The following BBOF1 variants were observed in gnomAD, a reference collection of about 807,000 sequenced individuals.
The protein encoded by BBOF1 is basal body orientation factor 1, also known as basal body-orientation factor 1.
Under a neutral mutation model 68.0 loss-of-function variants are expected in BBOF1, and 62 were observed. The ratio of observed to expected loss-of-function variants is 0.91; its 90% CI spans 0.74 to 1.13. The LOEUF (loss-of-function observed/expected upper bound fraction) is 1.13, where lower values mean the gene tolerates loss of function less well. Ranked by LOEUF, BBOF1 falls within the 50% of genes most tolerant of loss-of-function variation. The pLI, the probability that BBOF1 is intolerant of heterozygous loss-of-function variation, is 0.00. For missense variants in BBOF1, 534 were observed against 600.1 expected, an observed-to-expected ratio of 0.89 and a Z score of 1.15; for synonymous variants, 208 against 198.8, an observed-to-expected ratio of 1.05 and a Z score of -0.39.
chr14:74,030,870 G>T (rs1164871789), intron 3 of BBOF1, among the ~76,000 whole-genome samples: 4 of 149,878 alleles, frequency 2.7e-5, no homozygotes, highest in African/African-American at 9.8e-5. Context: ...AAAAAAAAAG[G>T]TTGCTTAAAA....
intron 4 of BBOF1, among the ~76,000 whole-genome samples, chr14:74,034,447 G>A (rs1209868424): frequency 2.0e-5 from 3 of 152,138 alleles, no homozygotes; most frequent in African/African-American, 7.2e-5. Flanking sequence ...ATTGACTTCA[G>A]TAAGAAACAA....
rs2060315291 is a variant in BBOF1 at position 74,060,495 on chromosome 14, T to G, written c.1578+3237T>G. On this transcript the variant is annotated intron_variant, in intron 11 of 11. Coordinates refer to ENST00000394009, the MANE Select transcript of BBOF1 (RefSeq NM_025057.3). ...ACACTAGGCAGTTCCCTATAGAAAC[T>G]TTGCGGGGGTTAATAGTCCTGAGGA... 5.6e-6 allele frequency: 4 copies of G among 708,274 alleles called. No homozygotes were observed. The African/African-American group carries it at 7.0e-5, about 12-fold the overall frequency. The allele number at this position is 708,274 out of a possible 1,614,324, so 43.9% of individuals were successfully genotyped here.
intron 11 of BBOF1, chr14:74,060,208 C>T (rs777419828): frequency 4.4e-5 from 7 of 159,762 alleles, no homozygotes; most frequent in South Asian, 1.8e-4. Context: ...TACGGGGTTT[C>T]GCCACGTTCT....
intron 2 of BBOF1, among the ~76,000 whole-genome samples, chr14:74,026,476 GAATATGTTATTGTGCCAGAA>G (rs2140960797): frequency 6.7e-6 from 1 of 149,298 alleles, no homozygotes; most frequent in South Asian, 2.1e-4. Context: ...AAAGAGTCTG[GAATATGTTATTGTGCCAGAA>G]AATAAAAAAT....
At chr14:74,060,570 G>T in intron 11 of BBOF1, 1 of 1,109,456 alleles carries the variant, frequency 9.0e-7, no homozygotes. Context: ...TCTGAGCAAA[G>T]CTGACAAATG....
chr14:74,073,508 C>A (rs1319702500), intron 9 of BBOF1, among the ~76,000 whole-genome samples: 1 of 152,042 alleles, frequency 6.6e-6, no homozygotes, highest in African/African-American at 2.4e-5. Context: ...AGTAGAAACA[C>A]GATATTATGA....
chr14:74,034,168 T>C lies in BBOF1; in HGVS notation c.492T>C (p.Asp164=), dbSNP rs765900346. 6.5e-7 allele frequency: 1 copy of C among 1,544,144 alleles called. No homozygotes were observed. The highest frequency in any genetic ancestry group is 2.1e-5 in the Admixed American group (1 of 47,296). ...AAATCCAAGTGGAGAGAGAGTTAGA[T>C]GATGTAAGTTTCATTCCTTTTTTAC... is the stretch of plus-strand genomic sequence containing the variant. ...KRKIQVEREL[D]DLKENLRNTE... is the part of the protein sequence containing the mutation. Residue 164 remains aspartate (D), a synonymous_variant, in exon 4 of 12, where the codon GAT becomes GAC. Coordinates refer to ENST00000394009, the MANE Select transcript of BBOF1 (RefSeq NM_025057.3).
chr14:74,027,244 G>T (rs543096812), intron 2 of BBOF1, among the ~76,000 whole-genome samples: 64 of 151,546 alleles, frequency 4.2e-4, no homozygotes, highest in Non-Finnish European at 8.7e-4. Context: ...CCACCACCCC[G>T]CCTGGCTAAT....
chr14:74,043,556 CAAAAAAAAAAAA>C (rs1162364604), intron 5 of BBOF1, among the ~76,000 whole-genome samples: 3 of 26,824 alleles, frequency 1.1e-4, no homozygotes, highest in Non-Finnish European at 1.4e-4. Flanking sequence ...GACTCCGTCT[CAAAAAAAAAAAA>C]AAAAAAAAAA....
chr14:74,065,310 A>C lies in BBOF1; in HGVS notation c.*611A>C, dbSNP rs769667558. ...CTTCATCCAATGTTTCTGTCTCCAGAACCACAAGAACTGGACCAAAAATCT... is the reference window on the plus strand; with the variant it reads ...CTTCATCCAATGTTTCTGTCTCCAGCACCACAAGAACTGGACCAAAAATCT... On this transcript the variant is annotated 3_prime_UTR_variant, in exon 12 of 12. Transcript: ENST00000394009. 1.9e-6 allele frequency: 3 copies of C among 1,614,144 alleles called. No homozygotes were observed. The South Asian group carries it at 3.3e-5, about 18-fold the overall frequency.
chr14:74,072,710 A>C, intron 9 of BBOF1: 1 of 1,336,236 alleles, frequency 7.5e-7, no homozygotes, highest in Non-Finnish European at 1.0e-6. Flanking sequence ...AAAGGAAAGA[A>C]AACAAGTTGA....
chr14:74,061,178 A>G (rs1376024714), intron 11 of BBOF1, among the ~76,000 whole-genome samples: 2 of 151,974 alleles, frequency 1.3e-5, no homozygotes, highest in Non-Finnish European at 2.9e-5. Flanking sequence ...GGGTTTCACC[A>G]TGTTGGCCAG....
downstream of BBOF1, chr14:74,066,979 G>T: frequency 8.0e-7 from 1 of 1,246,082 alleles, no homozygotes; most frequent in Non-Finnish European, 1.2e-6. Context: ...GCTTTAGGAG[G>T]CCAAGGCAGG....
intron 9 of BBOF1, among the ~76,000 whole-genome samples, chr14:74,077,413 T>C (rs980783451): frequency 1.3e-5 from 2 of 152,094 alleles, no homozygotes; most frequent in African/African-American, 2.4e-5. Flanking sequence ...TAAGGAAAAG[T>C]AGTTTATTTA....
At chr14:74,029,042 T>G in intron 2 of BBOF1, 142 bp from the exon 3 acceptor site, 2 of 556,102 alleles carry the variant, frequency 3.6e-6, no homozygotes. Context: ...TATGGGAAAT[T>G]TCCTGTCCCC....
At chr14:74,041,369 T>C (rs139316496) in intron 5 of BBOF1, among the ~76,000 whole-genome samples, 1 of 152,346 alleles carries the variant, frequency 6.6e-6, no homozygotes, top group East Asian at 1.9e-4. Context: ...GTTTCTGAAG[T>C]TAACTCTCCA....
chr14:74,022,178 G>A (rs978046554), intron 1 of BBOF1, among the ~76,000 whole-genome samples: 6 of 151,856 alleles, frequency 4.0e-5, no homozygotes, highest in African/African-American at 1.5e-4. Context: ...TTGGAGACCA[G>A]CATAGGCAAC....
At chr14:74,031,280 T>G (rs557360335) in intron 3 of BBOF1, among the ~76,000 whole-genome samples, 1 of 151,782 alleles carries the variant, frequency 6.6e-6, no homozygotes, top group Non-Finnish European at 1.5e-5. Flanking sequence ...ACCTGGCAAA[T>G]TTTTGTATTT....
chr14:74,023,074 G>T lies in BBOF1; in HGVS notation c.215G>T (p.Cys72Phe), dbSNP rs902342477. ...AATGAGGACTTAAAGAAAAAGCAAT[G>T]TAAAATGGAGAAAGACATAATGTCA... ...KSNEDLKKKQ[C>F]KMEKDIMSVL... Residue 72 changes from cysteine (C) to phenylalanine (F), a missense_variant, in exon 2 of 12, where the codon TGT (cysteine) becomes TTT (phenylalanine). Transcript: ENST00000394009. 4.4e-6 allele frequency: 7 copies of T among 1,605,150 alleles called. No homozygotes were observed. Among genetic ancestry groups the T allele is most frequent in the Non-Finnish European group, 4.3e-6 (5 of 1,175,618 alleles).
Sources: gnomAD v4.1 joint callset for allele counts (sites outside exome capture counted in the v4.1 genomes callset) on GRCh38, gnomAD v4.1.1 for gene constraint, MANE v1.5 for transcripts, NCBI Gene and HGNC (gene_info 2026-07-23, HGNC 2026-07-21) for gene names.